The following SEMA3C variants were observed in gnomAD, a reference collection of about 807,000 sequenced individuals.
SEMA3C encodes the protein semaphorin-3C.
SEMA3C carries 47 observed loss-of-function variants against 89.4 expected under a neutral mutation model. The observed-to-expected ratio is 0.53, with a 90% CI of 0.42 to 0.67. The LOEUF (loss-of-function observed/expected upper bound fraction) is 0.67. Among genes scored for constraint, SEMA3C ranks in the 30% least tolerant of loss-of-function variants. SEMA3C has a pLI of 0.00. For synonymous variants in SEMA3C, 310 were observed against 320.2 expected (o/e 0.97, Z 0.34); for missense variants, 839 against 929.1 (o/e 0.90, Z 1.26).
intron 12 of SEMA3C, among the ~76,000 whole-genome samples, chr7:80,768,800 G>C (rs1788363540): frequency 6.6e-6 from 1 of 152,170 alleles, no homozygotes; most frequent in South Asian, 2.1e-4. Context: ...GTGTGTGTGT[G>C]TGTGTGTCAA....
chr7:80,763,787 C>T (rs1272602985), intron 13 of SEMA3C, among the ~76,000 whole-genome samples: 2 of 150,528 alleles, frequency 1.3e-5, no homozygotes, highest in Non-Finnish European at 3.0e-5. Context: ...GTTCTCCCTA[C>T]TGAGTTGAAT....
Position 80,765,243 on chromosome 7 carries a change from T to C in SEMA3C, c.1355A>G (p.Asp452Gly), listed in dbSNP as rs985404662. The C allele has an allele frequency of 1.9e-6, 3 of 1,607,834 alleles. No individual in the cohort carries two copies. The Admixed American group carries it at 5.0e-5, about 27-fold the overall frequency. The change falls in exon 13 of 18, where the codon GAT (aspartate) becomes GGT (glycine). Residue 452 changes from aspartate to glycine, a missense_variant and splice_region_variant. Coordinates refer to ENST00000265361, the MANE Select transcript of SEMA3C (RefSeq NM_006379.5). ...GRYHVLFLGT[D>G]RGTVQKVVVL... ...AACCACTTTTTGCACAGTACCCCGATCTAAATTAAAAAAAGAAGAAATGAG... is the reference window on the plus strand; with the variant it reads ...AACCACTTTTTGCACAGTACCCCGACCTAAATTAAAAAAAGAAGAAATGAG...
intron 2 of SEMA3C, among the ~76,000 whole-genome samples, chr7:80,896,543 A>C (rs1156634448): frequency 6.6e-6 from 1 of 152,228 alleles, no homozygotes; most frequent in African/African-American, 2.4e-5. Flanking sequence ...AATATATGAG[A>C]TAACGTAGAA....
intron 5 of SEMA3C, among the ~76,000 whole-genome samples, chr7:80,815,551 G>A (rs1789581859): frequency 1.5e-5 from 1 of 65,438 alleles, no homozygotes. Flanking sequence ...TTCTTTAAAT[G>A]GGCAAAAAAA....
At chr7:80,840,579 G>C (rs1445368281) in intron 2 of SEMA3C, among the ~76,000 whole-genome samples, 1 of 150,280 alleles carries the variant, frequency 6.7e-6, no homozygotes, top group African/African-American at 2.4e-5. Context: ...TAAATGCCAG[G>C]AGCTAGGTAA....
intron 6 of SEMA3C, among the ~76,000 whole-genome samples, chr7:80,807,419 A>T (rs1308484759): frequency 6.6e-6 from 1 of 152,158 alleles, no homozygotes; most frequent in East Asian, 1.9e-4. Flanking sequence ...TTCATTTCCT[A>T]TCTTAAATTC....
At chr7:80,755,796 C>T (rs1372416871) in intron 15 of SEMA3C, among the ~76,000 whole-genome samples, 1 of 152,114 alleles carries the variant, frequency 6.6e-6, no homozygotes, top group African/African-American at 2.4e-5. Context: ...ACAAAAATCA[C>T]TTATGTGAGA....
intron 15 of SEMA3C, among the ~76,000 whole-genome samples, chr7:80,754,964 T>TTTTTTTTTTTTTTTTTTTTG: frequency 7.7e-6 from 1 of 129,148 alleles, no homozygotes. Context: ...TTTGTTTTTT[T>TTTTTTTTTTTTTTTTTTTTG]TTTTTTTGTA....
chr7:80,902,354 T>C (rs1172306665), intron 2 of SEMA3C, among the ~76,000 whole-genome samples: 2 of 152,214 alleles, frequency 1.3e-5, no homozygotes, highest in Non-Finnish European at 2.9e-5. Context: ...TTCTGTTTAT[T>C]ACTGACCTGT....
At chr7:80,844,831 C>A (rs1790350759) in intron 2 of SEMA3C, among the ~76,000 whole-genome samples, 1 of 152,142 alleles carries the variant, frequency 6.6e-6, no homozygotes, top group African/African-American at 2.4e-5. Flanking sequence ...TGAACCATGT[C>A]TTTTTGAGAA....
Position 80,916,552 on chromosome 7 carries a change from G to A in SEMA3C, c.103+127C>T, listed in dbSNP as rs949732657. ...TAAAATAGCTATTGTCCTCCAAAACGCAGCCCAGTAAATATTTTTAAAATT... is the reference window on the plus strand; with the variant it reads ...TAAAATAGCTATTGTCCTCCAAAACACAGCCCAGTAAATATTTTTAAAATT... On this transcript the variant is annotated intron_variant, in intron 2 of 17. Coordinates refer to ENST00000265361, the MANE Select transcript of SEMA3C (RefSeq NM_006379.5). 1.0e-4 allele frequency: 78 copies of A among 756,936 alleles called. 1 individual carries two copies. Among genetic ancestry groups the A allele is most frequent in the East Asian group, 3.3e-4 (11 of 33,440 alleles). 46.9% of individuals were successfully genotyped at this position (756,936 alleles called of 1,614,324 possible). A position where few individuals can be genotyped will look rare whatever the true frequency, so the allele number is the denominator to read the frequency against.
chr7:80,922,288 C>T (rs1355297867), upstream of SEMA3C: 1 of 1,288,766 alleles, frequency 7.8e-7, no homozygotes, highest in South Asian at 1.2e-5. Context: ...CATTTTTCTC[C>T]TCTTTTCTAC....
Position 80,744,881 on chromosome 7 carries a change from A to C in SEMA3C, c.*13T>G. 1 of 1,613,670 alleles carries C rather than the reference A, an allele frequency of 6.2e-7. No homozygotes were observed. The highest frequency in any genetic ancestry group is 8.5e-7 in the Non-Finnish European group (1 of 1,179,648). On this transcript the variant is annotated 3_prime_UTR_variant, in exon 18 of 18. Coordinates refer to ENST00000265361, the MANE Select transcript of SEMA3C (RefSeq NM_006379.5). ...ATTTGTTAATGGAAGCATAAGACCC[A>C]CATAAGAAAATATTATGACTCTGGC...
At chr7:80,912,494 G>A (rs1308838589) in intron 2 of SEMA3C, among the ~76,000 whole-genome samples, 1 of 152,152 alleles carries the variant, frequency 6.6e-6, no homozygotes, top group Non-Finnish European at 1.5e-5. Context: ...TTCAGGTAAT[G>A]TCCAACTCAC....
chr7:80,855,874 A>G (rs932381410), intron 2 of SEMA3C, among the ~76,000 whole-genome samples: 2 of 152,104 alleles, frequency 1.3e-5, no homozygotes, highest in African/African-American at 4.8e-5. Context: ...TTCAACATGC[A>G]GCTCTTTAAA....
chr7:80,908,681 G>A (rs1341802428), intron 2 of SEMA3C, among the ~76,000 whole-genome samples: 10 of 151,994 alleles, frequency 6.6e-5, no homozygotes, highest in South Asian at 2.1e-4. Flanking sequence ...TCCTTTTTGC[G>A]GGTTGCTATT....
At chr7:80,899,641 T>C (rs558845502) in intron 2 of SEMA3C, among the ~76,000 whole-genome samples, 28 of 152,176 alleles carry the variant, frequency 1.8e-4, no homozygotes, top group African/African-American at 5.5e-4. Context: ...GAAAACTCCA[T>C]GTTGTTGAGG....
At chr7:80,901,835 C>T (rs1438479012) in intron 2 of SEMA3C, among the ~76,000 whole-genome samples, 1 of 152,168 alleles carries the variant, frequency 6.6e-6, no homozygotes, top group Non-Finnish European at 1.5e-5. Flanking sequence ...ATACCTCCCA[C>T]AAAAAAGTTA....
intron 6 of SEMA3C, among the ~76,000 whole-genome samples, chr7:80,807,886 T>A (rs1387296126): frequency 6.6e-6 from 1 of 152,144 alleles, no homozygotes; most frequent in Non-Finnish European, 1.5e-5. Flanking sequence ...CAGGAGATAA[T>A]TTGAGAGGGA....
Sources: allele counts gnomAD v4.1 joint callset (sites outside exome capture counted in the v4.1 genomes callset), GRCh38; gene constraint gnomAD v4.1.1; transcripts MANE v1.5; gene names NCBI Gene and HGNC (gene_info 2026-07-23, HGNC 2026-07-21).